USP8: variants seen among roughly 807,000 people sequenced by gnomAD.
The protein encoded by USP8 is ubiquitin specific peptidase 8.
A neutral mutation model predicts 130.0 loss-of-function variants in USP8; 27 were observed. The observed-to-expected ratio is 0.21, with a 90% CI of 0.15 to 0.29. The LOEUF is 0.29. Among genes scored for constraint, USP8 ranks in the 10% least tolerant of loss-of-function variants. The pLI, the probability that USP8 is intolerant of heterozygous loss-of-function variation, is 1.00. For synonymous variants in USP8, 392 were observed against 444.1 expected (o/e 0.88, Z 1.48); for missense variants, 1,029 against 1,312.2 (o/e 0.78, Z 3.33).
intron 4 of USP8, among the ~76,000 whole-genome samples, chr15:50,454,225 T>C (rs1168657154): frequency 6.6e-6 from 1 of 152,152 alleles, no homozygotes; most frequent in African/African-American, 2.4e-5. Flanking sequence ...AGGTTTTAAT[T>C]TTCCCTTTTG....
chr15:50,463,300 C>T (rs1171737500), intron 6 of USP8: 1 of 152,158 alleles, frequency 6.6e-6, no homozygotes, highest in East Asian at 1.9e-4. Context: ...GCTCTAGTGA[C>T]AAATATGTGA....
rs1407647217 is a variant in USP8, at chr15:50,512,891, G to A, written c.*13803G>A. On this transcript the variant is annotated 3_prime_UTR_variant, in exon 20 of 20. Coordinates refer to ENST00000307179, the MANE Select transcript of USP8 (RefSeq NM_005154.5). ...TCTCTAAGAACTTCTTTTTATTTAA[G>A]TTGGGAAACAAAAAGATCATGTACA... 2 of 152,130 alleles carry A rather than the reference G, an allele frequency of 1.3e-5. No homozygotes were observed. The highest frequency in any genetic ancestry group is 4.8e-5 in the African/African-American group (2 of 41,440). 9.4% of individuals were successfully genotyped at this position (152,130 alleles called of 1,614,324 possible). A position where few individuals can be genotyped will look rare whatever the true frequency, so the allele number is the denominator to read the frequency against.
rs1482213412 is a variant in USP8 at position 50,506,431 on chromosome 15, T to C, written c.*7343T>C. Reference sequence around the variant, plus strand: ...GCCTGATTTTCTGAGGTGGAACAGTTTAATCCCAAAACCATGCCCGCCCCG... The same window carrying C: ...GCCTGATTTTCTGAGGTGGAACAGTCTAATCCCAAAACCATGCCCGCCCCG... On this transcript the variant is annotated 3_prime_UTR_variant, in exon 20 of 20. Coordinates refer to ENST00000307179, the MANE Select transcript of USP8 (RefSeq NM_005154.5). 6.6e-6 allele frequency: 1 copy of C among 152,112 alleles called. No individual in the cohort carries two copies. The highest frequency in any genetic ancestry group is 2.4e-5 in the African/African-American group (1 of 41,388). The allele number at this position is 152,112 out of a possible 1,614,324, so 9.4% of individuals were successfully genotyped here.
At chr15:50,490,607 T>G in intron 14 of USP8, 82 bp downstream of exon 14, 1 of 1,511,194 alleles carries the variant, frequency 6.6e-7, no homozygotes, top group Non-Finnish European at 8.8e-7. Flanking sequence ...TATGTTAGTG[T>G]CAGGGAGTTG....
chr15:50,461,897 A>G (rs2051021336), intron 5 of USP8, among the ~76,000 whole-genome samples: 1 of 152,110 alleles, frequency 6.6e-6, no homozygotes, highest in South Asian at 2.1e-4. Context: ...ACTTTGTATT[A>G]GTTCATTTTG....
At chr15:50,470,885 ACC>A (rs1595950598) in intron 7 of USP8, among the ~76,000 whole-genome samples, 1 of 152,218 alleles carries the variant, frequency 6.6e-6, no homozygotes, top group East Asian at 1.9e-4. Flanking sequence ...GGCATGAGCC[ACC>A]ATGCCCAGCC....
chr15:50,469,496 T>C (rs904174946), intron 7 of USP8, among the ~76,000 whole-genome samples: 4 of 152,166 alleles, frequency 2.6e-5, no homozygotes, highest in South Asian at 2.1e-4. Flanking sequence ...TATCACATTT[T>C]ATTTTTTTTC....
intron 1 of USP8, among the ~76,000 whole-genome samples, chr15:50,438,447 A>T (rs1315374726): frequency 1.3e-5 from 2 of 152,212 alleles, no homozygotes; most frequent in African/African-American, 2.4e-5. Flanking sequence ...AGCTGGGGGC[A>T]TGGTGGCGAA....
chr15:50,452,341 G>T (rs2050652608), intron 4 of USP8, among the ~76,000 whole-genome samples: 1 of 152,140 alleles, frequency 6.6e-6, no homozygotes, highest in Non-Finnish European at 1.5e-5. Flanking sequence ...AGGATCAGAA[G>T]TTAGTTTCAG....
Position 50,481,676 on chromosome 15 carries a change from C to G in USP8, c.1414C>G (p.Leu472Val), listed in dbSNP as rs975531155. 5.0e-6 allele frequency: 8 copies of G among 1,611,336 alleles called. No individual in the cohort carries two copies. The African/African-American group carries it at 1.1e-4, about 22-fold the overall frequency. Residue 472 changes from leucine to valine, a missense_variant, in exon 11 of 20, where the codon CTA (leucine) becomes GTA (valine). Physicochemically the swap from Leu to Val is conservative, Grantham distance 32 (BLOSUM62 1). This residue lies in a region of USP8 where 486 missense variants were observed against 522.0 expected (regional missense o/e 0.93). Coordinates refer to ENST00000307179, the MANE Select transcript of USP8 (RefSeq NM_005154.5). ...KARIHAETAL[L>V]MEKNKQEKEL... ...TCGTATTCATGCAGAAACTGCTCTTCTAATGGAAAAAAACAAACAAGAAAA... is the reference window on the plus strand; with the variant it reads ...TCGTATTCATGCAGAAACTGCTCTTGTAATGGAAAAAAACAAACAAGAAAA...
intron 1 of USP8, among the ~76,000 whole-genome samples, chr15:50,436,377 ATCT>A (rs1216682144): frequency 2.0e-5 from 3 of 151,976 alleles, no homozygotes; most frequent in Admixed American, 2.0e-4. Flanking sequence ...GTCATACTTA[ATCT>A]TCTCTCTTAA....
chr15:50,436,174 C>T (rs536600108), intron 1 of USP8, among the ~76,000 whole-genome samples: 191 of 152,182 alleles, frequency 1.3e-3, no homozygotes, highest in Middle Eastern at 3.4e-3. Flanking sequence ...AGGCCTTCCC[C>T]GTTCCCTGTT....
At chr15:50,463,932 T>C (rs1185325899) in intron 6 of USP8, among the ~76,000 whole-genome samples, 1 of 152,238 alleles carries the variant, frequency 6.6e-6, no homozygotes, top group Non-Finnish European at 1.5e-5. Flanking sequence ...GTAAATAAAT[T>C]AAATATTGCA....
rs966670767 is a variant in USP8, at chr15:50,499,718, A to T, written c.*630A>T. 2 of 152,058 alleles carry T rather than the reference A, an allele frequency of 1.3e-5. No homozygotes were observed. Among genetic ancestry groups the T allele is most frequent in the Admixed American group, 6.6e-5 (1 of 15,248 alleles). 9.4% of individuals were successfully genotyped at this position (152,058 alleles called of 1,614,324 possible). On this transcript the variant is annotated 3_prime_UTR_variant, in exon 20 of 20. Coordinates refer to ENST00000307179, the MANE Select transcript of USP8 (RefSeq NM_005154.5). ...TCTAAAAAAAAAAATGGAAACTTTAATTTTTTTAAAACGAGAATTTCATTT... is the reference window on the plus strand; with the variant it reads ...TCTAAAAAAAAAAATGGAAACTTTATTTTTTTTAAAACGAGAATTTCATTT...
chr15:50,439,019 C>A lies in USP8; in HGVS notation c.-55C>A. The A allele has an allele frequency of 1.6e-6, 2 of 1,262,460 alleles. No individual in the cohort carries two copies. The highest frequency in any genetic ancestry group is 2.3e-6 in the Non-Finnish European group (2 of 880,404). 78.2% of individuals were successfully genotyped at this position (1,262,460 alleles called of 1,614,324 possible). On this transcript the variant is annotated 5_prime_UTR_variant, in exon 2 of 20. Transcript: ENST00000307179. ...TTGTATTTGTTTCAGGAAAGAAGCA[C>A]TTGTAAGGAAATATAGCATCCATTG... is the stretch of plus-strand genomic sequence containing the variant.
intron 5 of USP8, among the ~76,000 whole-genome samples, chr15:50,459,779 A>C (rs55986766): frequency 6.6e-6 from 1 of 152,038 alleles, no homozygotes; most frequent in African/African-American, 2.4e-5. Context: ...CTATGTCAAA[A>C]CTTTTTTAAC....
intron 1 of USP8, among the ~76,000 whole-genome samples, chr15:50,430,358 G>T (rs2049892235): frequency 6.6e-6 from 1 of 152,006 alleles, no homozygotes; most frequent in Non-Finnish European, 1.5e-5. Context: ...AAAAAATAAA[G>T]AACTAGGGCT....
At chr15:50,493,292 G>T (rs1383352076) in intron 15 of USP8, 1 of 514,614 alleles carries the variant, frequency 1.9e-6, no homozygotes, top group Non-Finnish European at 3.9e-6. Context: ...AATATTTGAC[G>T]TGAATCTGGT....
At chr15:50,478,380 C>T (rs570702870) in intron 10 of USP8, among the ~76,000 whole-genome samples, 2 of 152,220 alleles carry the variant, frequency 1.3e-5, no homozygotes, top group East Asian at 3.9e-4. Context: ...ATGCATTTCC[C>T]AATAACATTT....
Sources: allele counts gnomAD v4.1 joint callset (sites outside exome capture counted in the v4.1 genomes callset), GRCh38; gene constraint gnomAD v4.1.1; regional missense constraint gnomAD v4.1.1; transcripts MANE v1.5; gene names NCBI Gene and HGNC (gene_info 2026-07-23, HGNC 2026-07-21).